The following SEMA5A variants were observed in gnomAD, a reference collection of about 807,000 sequenced individuals.
The protein encoded by SEMA5A is semaphorin-5A.
In SEMA5A, 55 loss-of-function variants were observed where a neutral mutation model predicts 135.5. That is an observed-to-expected ratio of 0.41 (90% CI 0.33 to 0.51). The LOEUF (loss-of-function observed/expected upper bound fraction) is 0.51. SEMA5A is among the 20% of genes least tolerant of loss of function. The pLI, the probability that SEMA5A is intolerant of heterozygous loss-of-function variation, is 0.37. For synonymous variants in SEMA5A, 580 were observed against 546.5 expected, an observed-to-expected ratio of 1.06 and a Z score of -0.85; for missense variants, 1,290 against 1,419.9, an observed-to-expected ratio of 0.91 and a Z score of 1.47.
intron 4 of SEMA5A, among the ~76,000 whole-genome samples, chr5:9,329,583 C>T (rs1753026896): frequency 6.6e-6 from 1 of 152,180 alleles, no homozygotes; most frequent in African/African-American, 2.4e-5. Flanking sequence ...ACTACATGAA[C>T]TAATACATTT....
chr5:9,480,946 T>G (rs769487665), intron 1 of SEMA5A, among the ~76,000 whole-genome samples: 57 of 148,968 alleles, frequency 3.8e-4, no homozygotes, highest in Non-Finnish European at 6.6e-4. Context: ...TTTGTTTTTT[T>G]GGTTTTTTGG....
intron 5 of SEMA5A, among the ~76,000 whole-genome samples, chr5:9,296,127 T>C (rs1309121798): frequency 6.6e-6 from 1 of 152,128 alleles, no homozygotes; most frequent in Non-Finnish European, 1.5e-5. Context: ...AAGGGATGTG[T>C]AATTGGGGCA....
At chr5:9,482,344 G>A (rs914870871) in intron 1 of SEMA5A, among the ~76,000 whole-genome samples, 4 of 152,218 alleles carry the variant, frequency 2.6e-5, no homozygotes, top group Admixed American at 1.3e-4. Context: ...GCCTTGTAAT[G>A]TAGAGCAGCA....
Position 9,036,716 on chromosome 5 carries a change from C to CTGAG in SEMA5A, c.*6177_*6180dup, listed in dbSNP as rs1579277523. The CTGAG allele has an allele frequency of 6.6e-6, 1 of 152,550 alleles. No individual in the cohort carries two copies. Among genetic ancestry groups the CTGAG allele is most frequent in the Admixed American group, 6.5e-5 (1 of 15,272 alleles). The allele number at this position is 152,550 out of a possible 1,614,324, so 9.4% of individuals were successfully genotyped here. A position where few individuals can be genotyped will look rare whatever the true frequency, so the allele number is the denominator to read the frequency against. On this transcript the variant is annotated 3_prime_UTR_variant, in exon 23 of 23. Coordinates refer to ENST00000382496, the MANE Select transcript of SEMA5A (RefSeq NM_003966.3). The stretch of plus-strand genomic sequence containing the variant: ...TGTGCTTCTTGGTCATTTTCTATTC[C>CTGAG]TGAGTTCAAAGAGACATAGGAGAAT...
At chr5:9,188,013 C>T (rs943160478) in intron 11 of SEMA5A, among the ~76,000 whole-genome samples, 1 of 152,168 alleles carries the variant, frequency 6.6e-6, no homozygotes, top group African/African-American at 2.4e-5. Flanking sequence ...TAGCTATGGA[C>T]TGAATGTTTG....
At chr5:9,529,097 T>A (rs910766312) in intron 1 of SEMA5A, among the ~76,000 whole-genome samples, 7 of 152,216 alleles carry the variant, frequency 4.6e-5, no homozygotes, top group Admixed American at 3.3e-4. Flanking sequence ...ATGGTTCTGG[T>A]TATGACCACA....
chr5:9,069,814 T>A (rs571426775), intron 16 of SEMA5A, among the ~76,000 whole-genome samples: 2 of 152,278 alleles, frequency 1.3e-5, no homozygotes, highest in South Asian at 4.2e-4. Flanking sequence ...TGCTGCCTCT[T>A]AAATGAAAAA....
chr5:9,325,770 C>T (rs1333950529), intron 4 of SEMA5A, among the ~76,000 whole-genome samples: 1 of 152,032 alleles, frequency 6.6e-6, no homozygotes, highest in East Asian at 1.9e-4. Flanking sequence ...TTTAAAAGGA[C>T]ATTCTCTTAG....
chr5:9,448,975 C>T (rs547954753), intron 1 of SEMA5A, among the ~76,000 whole-genome samples: 10 of 152,270 alleles, frequency 6.6e-5, no homozygotes, highest in Non-Finnish European at 2.9e-5. Context: ...TTGGTGGGAA[C>T]GTAAATTAAT....
Position 9,063,110 on chromosome 5 carries a change from C to T in SEMA5A, c.2300-5G>A, listed in dbSNP as rs1737276706. 1 of 1,607,966 alleles carries T rather than the reference C, an allele frequency of 6.2e-7. No individual in the cohort carries two copies. The highest frequency in any genetic ancestry group is 1.3e-5 in the African/African-American group (1 of 74,874). On this transcript the variant is annotated splice_polypyrimidine_tract_variant and splice_region_variant and intron_variant, in intron 17 of 22. Transcript: ENST00000382496. ...GCAGGAAATCCCCAGAAAGCCCTGC[C>T]AAGGAAACAGGTGAAGTGTGATTCT...
intron 2 of SEMA5A, among the ~76,000 whole-genome samples, chr5:9,436,476 C>T (rs1261100839): frequency 6.6e-6 from 1 of 152,208 alleles, no homozygotes; most frequent in Non-Finnish European, 1.5e-5. Context: ...AGCACATCTA[C>T]ACATCTATAC....
intron 9 of SEMA5A, among the ~76,000 whole-genome samples, chr5:9,198,848 C>T (rs1459000745): frequency 1.3e-5 from 2 of 152,120 alleles, no homozygotes; most frequent in Non-Finnish European, 2.9e-5. Context: ...GATATCCCAT[C>T]CAGGCATGCC....
intron 4 of SEMA5A, among the ~76,000 whole-genome samples, chr5:9,329,856 C>A (rs147166723): frequency 5.6e-4 from 86 of 152,246 alleles, no homozygotes; most frequent in African/African-American, 2.0e-3. Context: ...TTGGTATTTG[C>A]CTATAACCTA....
At chr5:9,213,720 G>A (rs1254121192) in intron 8 of SEMA5A, among the ~76,000 whole-genome samples, 1 of 152,202 alleles carries the variant, frequency 6.6e-6, no homozygotes, top group African/African-American at 2.4e-5. Context: ...TTGAAAAAAT[G>A]CAACAGTGGC....
intron 16 of SEMA5A, among the ~76,000 whole-genome samples, chr5:9,076,076 G>A (rs142852646): frequency 0.1 from 15,474 of 151,718 alleles, 926 homozygotes; most frequent in African/African-American, 0.14. Context: ...ATGGTGGCAC[G>A]TGCCTGTAGT....
intron 11 of SEMA5A, among the ~76,000 whole-genome samples, chr5:9,188,553 T>G (rs1744928169): frequency 6.6e-6 from 1 of 151,948 alleles, no homozygotes; most frequent in Non-Finnish European, 1.5e-5. Flanking sequence ...TCAACCCCCA[T>G]CAAAATCCCT....
chr5:9,364,684 C>T (rs547628843), intron 3 of SEMA5A, among the ~76,000 whole-genome samples: 2 of 152,252 alleles, frequency 1.3e-5, no homozygotes, highest in East Asian at 1.9e-4. Context: ...AATTTTATAA[C>T]GTGAGTTATT....
intron 21 of SEMA5A, chr5:9,045,842 G>T (rs1291161211): frequency 6.6e-6 from 1 of 152,140 alleles, no homozygotes; most frequent in Non-Finnish European, 1.5e-5. Flanking sequence ...TGCCAGCATG[G>T]ACTTATATCT....
At chr5:9,436,074 G>C (rs1304275425) in intron 2 of SEMA5A, among the ~76,000 whole-genome samples, 3 of 152,154 alleles carry the variant, frequency 2.0e-5, no homozygotes, top group Non-Finnish European at 4.4e-5. Context: ...CAATTCTCTT[G>C]CAGATTATTT....
Sources: allele counts gnomAD v4.1 joint callset (sites outside exome capture counted in the v4.1 genomes callset), GRCh38; gene constraint gnomAD v4.1.1; transcripts MANE v1.5; gene names NCBI Gene and HGNC (gene_info 2026-07-23, HGNC 2026-07-21).